Variants in REL observed in about 807,000 individuals in gnomAD.
The protein encoded by REL is REL proto-oncogene, NF-kB subunit.
REL carries 15 observed loss-of-function variants against 45.9 expected under a neutral mutation model. That is an observed-to-expected ratio of 0.33 (90% CI 0.22 to 0.50). The LOEUF is 0.50. Among genes scored for constraint, REL ranks in the 20% least tolerant of loss-of-function variants. REL has a pLI of 0.98. For missense variants in REL, 601 were observed against 715.2 expected (o/e 0.84, Z 1.82); for synonymous variants, 239 against 242.1 (o/e 0.99, Z 0.12).
chr2:60,892,695 G>A (rs553509362), intron 2 of REL, among the ~76,000 whole-genome samples: 14 of 151,996 alleles, frequency 9.2e-5, no homozygotes, highest in South Asian at 2.1e-4. Flanking sequence ...CTCCCAAAGC[G>A]CTGGGATTAT....
intron 4 of REL, among the ~76,000 whole-genome samples, chr2:60,901,400 G>C (rs1673494713): frequency 6.6e-6 from 1 of 152,088 alleles, no homozygotes. Flanking sequence ...GACATCAGGT[G>C]ATCTACCCGC....
At chr2:60,919,883 C>CTA (rs1674088334) in intron 7 of REL, among the ~76,000 whole-genome samples, 158 bp from the exon 8 acceptor site, 1 of 152,138 alleles carries the variant, frequency 6.6e-6, no homozygotes, top group Admixed American at 6.5e-5. Context: ...TCTACTGATA[C>CTA]TACTGATTTG....
chr2:60,921,017 A>G (rs987342760), intron 9 of REL, among the ~76,000 whole-genome samples: 1 of 151,766 alleles, frequency 6.6e-6, no homozygotes, highest in African/African-American at 2.4e-5. Flanking sequence ...TTTTAACACT[A>G]TGGCAACAGG....
At chr2:60,902,127 G>T (rs1424754941) in intron 4 of REL, among the ~76,000 whole-genome samples, 3 of 152,046 alleles carry the variant, frequency 2.0e-5, no homozygotes, top group East Asian at 3.8e-4. Flanking sequence ...TATTTTCAAA[G>T]AATATATTTC....
At chr2:60,892,087 A>T (rs552480520) in intron 2 of REL, among the ~76,000 whole-genome samples, 1 of 152,186 alleles carries the variant, frequency 6.6e-6, no homozygotes, top group African/African-American at 2.4e-5. Flanking sequence ...GAGCGACTCA[A>T]TGTTGAGAGT....
chr2:60,929,096 A>C lies in REL; in HGVS notation c.*6561A>C, dbSNP rs1674331889. 1 of 151,530 alleles carries C rather than the reference A, an allele frequency of 6.6e-6. No individual in the cohort carries two copies. Among genetic ancestry groups the C allele is most frequent in the Admixed American group, 6.6e-5 (1 of 15,218 alleles). 9.4% of individuals were successfully genotyped at this position (151,530 alleles called of 1,614,324 possible). On this transcript the variant is annotated 3_prime_UTR_variant, in exon 10 of 10. Coordinates refer to ENST00000394479, the MANE Select transcript of REL (RefSeq NM_001291746.2). ...TGCTCATCATGACTGGCCATCAGAG[A>C]AATGCAAATCAAAACCACAATGAGA...
intron 3 of REL, 36 bp downstream of exon 3, chr2:60,894,581 A>T: frequency 1.3e-6 from 2 of 1,496,392 alleles, no homozygotes; most frequent in Non-Finnish European, 1.8e-6. Context: ...CAGAAATAAG[A>T]TAAGACATAG....
Position 60,881,666 on chromosome 2 carries a change from GA to G in REL, c.-173del. 1 of 543,006 alleles carries G rather than the reference GA, an allele frequency of 1.8e-6. No homozygotes were observed. Among genetic ancestry groups the G allele is most frequent in the Non-Finnish European group, 3.3e-6 (1 of 307,424 alleles). The allele number at this position is 543,006 out of a possible 1,614,324, so 33.6% of individuals were successfully genotyped here. On this transcript the variant is annotated 5_prime_UTR_variant, in exon 1 of 10. Transcript: ENST00000394479. ...CGGGGTGCAAGAATTCAGGGGTTGG[GA>G]AGGTGTGAGCCGCAAACCCAGCGGA... is the stretch of plus-strand genomic sequence containing the variant.
At chr2:60,888,669 A>G (rs774030872) in intron 1 of REL, among the ~76,000 whole-genome samples, 1 of 152,210 alleles carries the variant, frequency 6.6e-6, no homozygotes, top group Non-Finnish European at 1.5e-5. Context: ...GAATAAACAA[A>G]TAGGTAGTAG....
chr2:60,894,851 C>CTTT (rs558726227), intron 3 of REL, among the ~76,000 whole-genome samples: 151 of 106,686 alleles, frequency 1.4e-3, no homozygotes, highest in African/African-American at 1.9e-3. Flanking sequence ...TTCACTCTGT[C>CTTT]TTTTTTTTTT....
chr2:60,901,129 TTC>T (rs745561548), intron 4 of REL, 46 bp downstream of exon 4: 9 of 1,490,650 alleles, frequency 6.0e-6, no homozygotes, highest in Non-Finnish European at 7.1e-6. Flanking sequence ...GGGTGTTGAT[TTC>T]TGTTTCTTTT....
chr2:60,906,012 C>T (rs1011383251), intron 4 of REL, among the ~76,000 whole-genome samples: 1 of 152,200 alleles, frequency 6.6e-6, no homozygotes, highest in African/African-American at 2.4e-5. Flanking sequence ...TTCCACATGG[C>T]TGGGGAGGCC....
At chr2:60,890,387 G>C (rs13022703) in intron 1 of REL, among the ~76,000 whole-genome samples, 1,737 of 152,216 alleles carry the variant, frequency 0.011, 17 homozygotes, top group Non-Finnish European at 0.018. Flanking sequence ...ACATTTCCTT[G>C]GTCTTACTGT....
intron 4 of REL, among the ~76,000 whole-genome samples, chr2:60,906,952 T>C (rs1294115128): frequency 6.8e-6 from 1 of 146,936 alleles, no homozygotes; most frequent in Non-Finnish European, 1.5e-5. Flanking sequence ...AGAGTTTCGC[T>C]CTTGTTGCCC....
rs1381226623 is a variant in REL, at chr2:60,929,869, C to T, written c.*7334C>T. 6.6e-6 allele frequency: 1 copy of T among 151,948 alleles called. No individual in the cohort carries two copies. The highest frequency in any genetic ancestry group is 1.5e-5 in the Non-Finnish European group (1 of 68,008). 9.4% of individuals were successfully genotyped at this position (151,948 alleles called of 1,614,324 possible). Reference sequence around the variant, plus strand: ...AGAAAAAGAAAGCCAGGCATGGTGACATGTGCCTGTGGTCCCAGCTATTAG... The same window carrying T: ...AGAAAAAGAAAGCCAGGCATGGTGATATGTGCCTGTGGTCCCAGCTATTAG... On this transcript the variant is annotated 3_prime_UTR_variant, in exon 10 of 10. Coordinates refer to ENST00000394479, the MANE Select transcript of REL (RefSeq NM_001291746.2).
rs1193300149 is a variant in REL at position 60,923,187 on chromosome 2, T to C, written c.*652T>C. The C allele has an allele frequency of 9.6e-6, 2 of 207,684 alleles. No individual in the cohort carries two copies. The highest frequency in any genetic ancestry group is 2.0e-5 in the Non-Finnish European group (2 of 101,790). The allele number at this position is 207,684 out of a possible 1,614,324, so 12.9% of individuals were successfully genotyped here. The stretch of plus-strand genomic sequence containing the variant: ...CTTAATTTTTTATTTTTGAGGCCCA[T>C]GGGCCAAGGTAACCCCTAAGGGGTT... On this transcript the variant is annotated 3_prime_UTR_variant, in exon 10 of 10. Transcript: ENST00000394479.
intron 3 of REL, chr2:60,900,051 C>G (rs941544972): frequency 6.6e-6 from 1 of 152,114 alleles, no homozygotes; most frequent in Non-Finnish European, 1.5e-5. Context: ...TGGTGTGGAT[C>G]AAGTGTAGGA....
In REL at chr2:60,920,593, A is replaced by G; in HGVS notation, c.942A>G (p.Pro314=). 1 of 1,603,264 alleles carries G rather than the reference A, an allele frequency of 6.2e-7. No individual in the cohort carries two copies. The highest frequency in any genetic ancestry group is 8.5e-7 in the Non-Finnish European group (1 of 1,171,852). Residue 314 remains proline (P), a synonymous_variant, in exon 9 of 10, where the codon CCA becomes CCG. Coordinates refer to ENST00000394479, the MANE Select transcript of REL (RefSeq NM_001291746.2). ...TAACAGTTAATTTTCCTGAGAGACC[A>G]AGACCTGGTCTCCTCGGTTCAATTG... is the stretch of plus-strand genomic sequence containing the variant. ...CQDHVNFPER[P]RPGLLGSIGE...
chr2:60,905,289 T>G (rs947643685), intron 4 of REL, among the ~76,000 whole-genome samples: 1 of 151,878 alleles, frequency 6.6e-6, no homozygotes, highest in African/African-American at 2.4e-5. Flanking sequence ...AGAGATGGGG[T>G]TTCATCGTGT....
Sources: gnomAD v4.1 joint callset for allele counts (sites outside exome capture counted in the v4.1 genomes callset) on GRCh38, gnomAD v4.1.1 for gene constraint, MANE v1.5 for transcripts, NCBI Gene and HGNC (gene_info 2026-07-23, HGNC 2026-07-21) for gene names.